The following ANKRD17 variants were observed in gnomAD, a reference collection of about 807,000 sequenced individuals.
ANKRD17 encodes ankyrin repeat domain 17, also known as ankyrin repeat domain-containing protein 17.
ANKRD17 carries 19 observed loss-of-function variants against 229.7 expected under a neutral mutation model. The observed-to-expected ratio is 0.08, with a 90% confidence interval of 0.06 to 0.12. The LOEUF is 0.12. Ranked by LOEUF, ANKRD17 falls within the 10% of genes least tolerant of loss-of-function variation. The probability of loss-of-function intolerance (pLI) is 1.00; values close to 1 mark genes in which losing one functional copy is unlikely to be tolerated. For synonymous variants in ANKRD17, 1,112 were observed against 1,146.1 expected, an observed-to-expected ratio of 0.97 and a Z score of 0.60; for missense variants, 2,176 against 3,176.8, an observed-to-expected ratio of 0.68 and a Z score of 7.57.
In ANKRD17 at chr4:73,078,909, GAAAT is replaced by G. The variant is rs767744143; in HGVS notation, c.7160-23_7160-20del. On this transcript the variant is annotated intron_variant, in intron 30 of 33. Transcript: ENST00000358602. ...GAAGAATCTAGAGAAGAGATATTTT[GAAAT>G]AAAATACAGGTCATCTATAGAACAT... is the stretch of plus-strand genomic sequence containing the variant. 17 of 1,600,814 alleles carry G rather than the reference GAAAT, an allele frequency of 1.1e-5. No individual in the cohort carries two copies. Among genetic ancestry groups the G allele is most frequent in the Non-Finnish European group, 1.4e-5 (17 of 1,173,848 alleles).
chr4:73,229,607 TA>T (rs769937566), intron 1 of ANKRD17, among the ~76,000 whole-genome samples: 1,518 of 142,144 alleles, frequency 0.011, 13 homozygotes, highest in Non-Finnish European at 0.016. Context: ...ATTGATTATT[TA>T]AAAAAAAAAA....
At chr4:73,090,394 A>C (rs1033465171) in intron 29 of ANKRD17, among the ~76,000 whole-genome samples, 3 of 152,224 alleles carry the variant, frequency 2.0e-5, no homozygotes, top group African/African-American at 7.2e-5. Flanking sequence ...TGGGTGACAG[A>C]GCGAGACTCT....
At chr4:73,147,148 A>T in intron 9 of ANKRD17, 93 bp downstream of exon 9, 9 of 1,191,240 alleles carry the variant, frequency 7.6e-6, no homozygotes, top group Non-Finnish European at 1.0e-5. Flanking sequence ...TCACACATTC[A>T]GTGTATCATA....
Position 73,239,006 on chromosome 4 carries a change from T to C in ANKRD17, c.393+19270A>G, listed in dbSNP as rs1578494727. Among the ~76,000 whole-genome samples, 3 of 152,302 alleles carry C rather than the reference T, an allele frequency of 2.0e-5. No individual in the cohort carries two copies. The East Asian group carries it at 5.8e-4, about 29-fold the overall frequency. ...CACATAAACCAATTAGAATTGTGGC[T>C]GGCACACAGTAAGCACTCACTAAAC... is the stretch of plus-strand genomic sequence containing the variant. On this transcript the variant is annotated intron_variant, in intron 1 of 33. Transcript: ENST00000358602.
chr4:73,102,856 C>A, intron 24 of ANKRD17: 2 of 240,988 alleles, frequency 8.3e-6, no homozygotes, highest in East Asian at 1.1e-4. Flanking sequence ...ATTAATTTGG[C>A]GAAATTTAAA....
Position 73,085,286 on chromosome 4 carries a change from C to G in ANKRD17, c.7122G>C (p.Pro2374=), listed in dbSNP as rs146616951. 2,688 of 1,614,010 alleles carry G rather than the reference C, an allele frequency of 1.7e-3. 4 individuals are homozygous for G. Among genetic ancestry groups the G allele is most frequent in the Non-Finnish European group, 2.0e-3 (2,376 of 1,179,990 alleles). ...AANFNRQHFS[P]LSLLTPCSSA... ...ATGAACACGGAGTCAACAAACTAAG[C>G]GGGGAAAAATGTTGTCTGTTAAAGT... Residue 2374 remains proline, a synonymous_variant, in exon 30 of 34, where the codon CCG becomes CCC. Transcript: ENST00000358602.
At chr4:73,093,981 A>G (rs1578023931) in intron 28 of ANKRD17, 98 bp downstream of exon 28, 1 of 1,168,158 alleles carries the variant, frequency 8.6e-7, no homozygotes, top group East Asian at 2.4e-5. Context: ...AAAGTATACT[A>G]TGTAACACAA....
At chr4:73,144,583 T>C (rs1466176170) in intron 11 of ANKRD17, among the ~76,000 whole-genome samples, 162 bp downstream of exon 11, 1 of 152,186 alleles carries the variant, frequency 6.6e-6, no homozygotes, top group Non-Finnish European at 1.5e-5. Context: ...GGTCTGTGCA[T>C]GGCAGGATGT....
intron 24 of ANKRD17, among the ~76,000 whole-genome samples, chr4:73,109,837 G>T (rs1725088196): frequency 6.6e-6 from 1 of 151,844 alleles, no homozygotes; most frequent in Non-Finnish European, 1.5e-5. Context: ...TGACATAAAT[G>T]GTTCTTACCA....
intron 1 of ANKRD17, among the ~76,000 whole-genome samples, chr4:73,216,145 T>C (rs951026606): frequency 6.6e-6 from 1 of 152,210 alleles, no homozygotes; most frequent in Non-Finnish European, 1.5e-5. Flanking sequence ...AAGTCAGATG[T>C]TAAAGATATT....
rs199962976 is a variant in ANKRD17, at chr4:73,142,763, C to T, written c.1962G>A (p.Ala654=). ...CTVQFLISKG[A]NVNRTTANND... ...TATTAGCTGTGGTTCTATTCACATT[C>T]GCTCCTAAAACAGAAAAGGCATGGA... The change falls in exon 12 of 34, where the codon GCG becomes GCA. Residue 654 remains alanine (A), a synonymous_variant. Transcript: ENST00000358602. 8.0e-4 allele frequency: 1,291 copies of T among 1,607,498 alleles called. No homozygotes were observed. The highest frequency in any genetic ancestry group is 9.8e-4 in the Non-Finnish European group (1,149 of 1,177,300).
At chr4:73,151,358 C>A in intron 7 of ANKRD17, 72 bp downstream of exon 7, 1 of 1,330,162 alleles carries the variant, frequency 7.5e-7, no homozygotes, top group Non-Finnish European at 1.1e-6. Flanking sequence ...ATTGGAAAGG[C>A]ATTCATTGTA....
At chr4:73,108,070 C>T (rs553223849) in intron 24 of ANKRD17, among the ~76,000 whole-genome samples, 1 of 152,272 alleles carries the variant, frequency 6.6e-6, no homozygotes, top group African/African-American at 2.4e-5. Context: ...ACAATCACAG[C>T]TCACCGCAGT....
intron 1 of ANKRD17, among the ~76,000 whole-genome samples, chr4:73,210,688 A>T (rs1321451265): frequency 6.6e-6 from 1 of 152,180 alleles, no homozygotes; most frequent in Non-Finnish European, 1.5e-5. Flanking sequence ...CTGTATAAAC[A>T]ATGTGAAGGG....
chr4:73,113,239 C>T, intron 24 of ANKRD17: 1 of 1,289,304 alleles, frequency 7.8e-7, no homozygotes, highest in South Asian at 1.2e-5. Context: ...AGCTATAAGA[C>T]TGTCCAAACT....
chr4:73,154,950 A>G lies in ANKRD17; in HGVS notation c.1000+681T>C, dbSNP rs1262195784. 4.0e-5 allele frequency among the ~76,000 whole-genome samples: 6 copies of G among 151,526 alleles called. No individual in the cohort carries two copies. The East Asian group carries it at 1.2e-3, about 29-fold the overall frequency. On this transcript the variant is annotated intron_variant, in intron 5 of 33. Coordinates refer to ENST00000358602, the MANE Select transcript of ANKRD17 (RefSeq NM_032217.5). ...CAGCTACTTGGGAGGCTGAGGCAGG[A>G]GAATGGCGTGAACCCGGGAGGCGGA...
chr4:73,104,013 G>A (rs1250625295), intron 24 of ANKRD17: 1 of 152,112 alleles, frequency 6.6e-6, no homozygotes, highest in Non-Finnish European at 1.5e-5. Flanking sequence ...CTTAGGCTAG[G>A]TGAGAGATAA....
At position 73,120,409 on chromosome 4, in the gene ANKRD17, A is replaced by C. The variant is rs1020840021; in HGVS notation, c.3850-72T>G. 15 of 1,402,010 alleles carry C rather than the reference A, an allele frequency of 1.1e-5. No homozygotes were observed. The African/African-American group carries it at 2.0e-4, about 19-fold the overall frequency. 86.8% of individuals were successfully genotyped at this position (1,402,010 alleles called of 1,614,324 possible). ...AAGATCTAAAATTGTAAAGAATAAC[A>C]ACTTGAAGAAGGAATATGATACAGC... On this transcript the variant is annotated intron_variant, in intron 20 of 33. Coordinates refer to ENST00000358602, the MANE Select transcript of ANKRD17 (RefSeq NM_032217.5).
chr4:73,161,072 CAT>C, intron 3 of ANKRD17, 118 bp downstream of exon 3: 2 of 1,233,632 alleles, frequency 1.6e-6, no homozygotes, highest in Non-Finnish European at 2.2e-6. Context: ...TAAGACATCA[CAT>C]GTTAAGTGGT....
Sources: allele counts gnomAD v4.1 joint callset (sites outside exome capture counted in the v4.1 genomes callset), GRCh38; gene constraint gnomAD v4.1.1; transcripts MANE v1.5; gene names NCBI Gene and HGNC (gene_info 2026-07-23, HGNC 2026-07-21).